RASAL2: variants seen among roughly 807,000 people sequenced by gnomAD.
RASAL2 encodes the protein ras GTPase-activating protein nGAP.
RASAL2 carries 58 observed loss-of-function variants against 128.9 expected under a neutral mutation model. The observed-to-expected ratio is 0.45, with a 90% CI of 0.36 to 0.56. The LOEUF is 0.56. RASAL2 is among the 20% of genes least tolerant of loss of function. The pLI is 0.00. For missense variants in RASAL2, 1,360 were observed against 1,601.6 expected (o/e 0.85, Z 2.57); for synonymous variants, 561 against 580.8 (o/e 0.97, Z 0.49).
At chr1:178,368,878 C>T (rs1269075033) in intron 3 of RASAL2, among the ~76,000 whole-genome samples, 2 of 151,896 alleles carry the variant, frequency 1.3e-5, no homozygotes, top group Admixed American at 6.6e-5. Flanking sequence ...GTTCCTCAGC[C>T]TCCCAAAATG....
intron 3 of RASAL2, among the ~76,000 whole-genome samples, chr1:178,301,878 A>G (rs571095488): frequency 8.5e-5 from 13 of 152,324 alleles, no homozygotes; most frequent in African/African-American, 2.6e-4. Context: ...AAATTGTTAA[A>G]TATCTACAGT....
chr1:178,163,473 G>A (rs12047117), intron 1 of RASAL2, among the ~76,000 whole-genome samples: 13,265 of 152,110 alleles, frequency 0.087, 614 homozygotes, highest in Middle Eastern at 0.13. Context: ...TGATGAGTCA[G>A]TTTTTGTATA....
intron 1 of RASAL2, among the ~76,000 whole-genome samples, chr1:178,184,900 G>T (rs1662235679): frequency 6.6e-6 from 1 of 151,912 alleles, no homozygotes; most frequent in African/African-American, 2.4e-5. Flanking sequence ...GAACAAATAG[G>T]GAAGAATTGA....
chr1:178,101,269 C>T (rs935003732), intron 1 of RASAL2, among the ~76,000 whole-genome samples: 1 of 152,188 alleles, frequency 6.6e-6, no homozygotes, highest in Admixed American at 6.5e-5. Flanking sequence ...CAGAAGTTAT[C>T]ACTTTCCTAA....
intron 1 of RASAL2, among the ~76,000 whole-genome samples, chr1:178,148,205 A>G (rs1038388676): frequency 2.0e-5 from 3 of 151,054 alleles, no homozygotes; most frequent in Non-Finnish European, 3.0e-5. Context: ...TTTTTTTTGA[A>G]AGGGGGCTTA....
intron 11 of RASAL2, 89 bp from the exon 12 acceptor site, chr1:178,454,358 A>G (rs1370194672): frequency 2.3e-5 from 26 of 1,110,324 alleles, no homozygotes; most frequent in Non-Finnish European, 3.3e-5. Context: ...ACAAAATAAA[A>G]AAAAGTAATA....
At chr1:178,410,562 A>G (rs1260118011) in intron 4 of RASAL2, among the ~76,000 whole-genome samples, 1 of 152,220 alleles carries the variant, frequency 6.6e-6, no homozygotes, top group Non-Finnish European at 1.5e-5. Context: ...ACAGCAAAAG[A>G]GATCAGAATC....
intron 1 of RASAL2, among the ~76,000 whole-genome samples, chr1:178,222,607 T>TGATAA (rs1471825577): frequency 4.6e-5 from 7 of 152,224 alleles, no homozygotes; most frequent in African/African-American, 1.7e-4. Context: ...CCTGATTATT[T>TGATAA]ATCAGATGTC....
At chr1:178,437,228 G>C (rs951154510) in intron 5 of RASAL2, among the ~76,000 whole-genome samples, 8 of 152,086 alleles carry the variant, frequency 5.3e-5, no homozygotes, top group African/African-American at 1.9e-4. Context: ...GTCTTGATCT[G>C]TTGTTTGTGT....
intron 1 of RASAL2, among the ~76,000 whole-genome samples, chr1:178,131,417 G>A (rs561293668): frequency 1.6e-5 from 2 of 122,774 alleles, no homozygotes; most frequent in South Asian, 2.6e-4. Flanking sequence ...GACAGGGTAC[G>A]TATTTGTTGC....
intron 1 of RASAL2, among the ~76,000 whole-genome samples, chr1:178,263,174 A>C (rs975106248): frequency 2.0e-5 from 3 of 152,196 alleles, no homozygotes; most frequent in Admixed American, 6.5e-5. Context: ...TTTTTCTATC[A>C]GATTTTATTA....
intron 1 of RASAL2, among the ~76,000 whole-genome samples, chr1:178,154,652 A>G (rs1007951808): frequency 3.3e-5 from 5 of 152,192 alleles, no homozygotes; most frequent in South Asian, 2.1e-4. Context: ...CCTGATGACT[A>G]ATTAAGTTGA....
chr1:178,233,532 T>C (rs1420127082), intron 1 of RASAL2, among the ~76,000 whole-genome samples: 1 of 152,052 alleles, frequency 6.6e-6, no homozygotes, highest in East Asian at 1.9e-4. Context: ...AAGGGAGAGA[T>C]TGCAGAGTAA....
At chr1:178,360,037 G>A (rs1404985274) in intron 3 of RASAL2, among the ~76,000 whole-genome samples, 2 of 152,136 alleles carry the variant, frequency 1.3e-5, no homozygotes, top group African/African-American at 4.8e-5. Flanking sequence ...GCCCACAATT[G>A]TGCTATCACT....
At chr1:178,107,545 A>G (rs1447949238) in intron 1 of RASAL2, among the ~76,000 whole-genome samples, 1 of 152,164 alleles carries the variant, frequency 6.6e-6, no homozygotes, top group African/African-American at 2.4e-5. Flanking sequence ...ATACATTCAT[A>G]ATGTTGTGTA....
chr1:178,432,612 C>T (rs1307852760), intron 5 of RASAL2, among the ~76,000 whole-genome samples: 1 of 152,038 alleles, frequency 6.6e-6, no homozygotes, highest in East Asian at 1.9e-4. Flanking sequence ...TCACCTCAAC[C>T]AGCATTGCCT....
At chr1:178,263,389 T>G (rs528976692) in intron 1 of RASAL2, among the ~76,000 whole-genome samples, 1 of 152,312 alleles carries the variant, frequency 6.6e-6, no homozygotes, top group South Asian at 2.1e-4. Flanking sequence ...ATTTTAAAGA[T>G]GAGAAAACTG....
chr1:178,379,993 C>T (rs973572845), intron 3 of RASAL2, among the ~76,000 whole-genome samples: 4 of 152,176 alleles, frequency 2.6e-5, no homozygotes, highest in African/African-American at 4.8e-5. Context: ...CCAGCCTCAG[C>T]GCCCCCTACC....
At chr1:178,471,569 G>T (rs1169863949) in intron 17 of RASAL2, among the ~76,000 whole-genome samples, 2 of 152,064 alleles carry the variant, frequency 1.3e-5, no homozygotes, top group Non-Finnish European at 2.9e-5. Flanking sequence ...GGGAAAGAAG[G>T]ATTTTTTTTT....
Sources: gnomAD v4.1 joint callset for allele counts (sites outside exome capture counted in the v4.1 genomes callset) on GRCh38, gnomAD v4.1.1 for gene constraint, MANE v1.5 for transcripts, NCBI Gene and HGNC (gene_info 2026-07-23, HGNC 2026-07-21) for gene names.